C9orf85: variants seen among roughly 807,000 people sequenced by gnomAD.
C9orf85 encodes chromosome 9 open reading frame 85.
In C9orf85, 16 loss-of-function variants were observed where a neutral mutation model predicts 14.9. The ratio of observed to expected loss-of-function variants is 1.08; its 90% confidence interval spans 0.73 to 1.63. The LOEUF is 1.63. C9orf85 is among the 40% of genes most tolerant of loss of function. The probability of loss-of-function intolerance (pLI) is 0.00; values close to 1 mark genes in which losing one functional copy is unlikely to be tolerated. For missense variants in C9orf85, 172 were observed against 186.1 expected (o/e 0.92, Z 0.44); for synonymous variants, 45 against 56.8 (o/e 0.79, Z 0.93).
At chr9:71,935,632 C>CA (rs34000576) in intron 1 of C9orf85, among the ~76,000 whole-genome samples, 17,713 of 126,116 alleles carry the variant, frequency 0.14, 1,155 homozygotes, top group Middle Eastern at 0.19. Context: ...CCCCCCGACC[C>CA]AAAAAAAAAA....
chr9:71,963,564 G>C (rs1252376088), intron 2 of C9orf85, among the ~76,000 whole-genome samples: 1 of 152,236 alleles, frequency 6.6e-6, no homozygotes, highest in African/African-American at 2.4e-5. Flanking sequence ...GGGAACCCGG[G>C]CTGCGCGAGG....
chr9:71,976,162 G>C (rs1209942351), downstream of C9orf85, among the ~76,000 whole-genome samples: 2 of 152,132 alleles, frequency 1.3e-5, no homozygotes, highest in Non-Finnish European at 2.9e-5. Flanking sequence ...TAGTCCAAAA[G>C]CTGTTTGTAT....
chr9:71,923,972 T>C (rs1589247328), intron 1 of C9orf85, among the ~76,000 whole-genome samples: 1 of 152,210 alleles, frequency 6.6e-6, no homozygotes, highest in East Asian at 1.9e-4. Flanking sequence ...GTCGTGGCTT[T>C]TGGGGACAGA....
At chr9:71,933,515 A>G (rs1828118493) in intron 1 of C9orf85, among the ~76,000 whole-genome samples, 1 of 152,182 alleles carries the variant, frequency 6.6e-6, no homozygotes, top group South Asian at 2.1e-4. Context: ...CTAAGTTGAG[A>G]ACTTTCACCT....
At chr9:71,936,398 G>T (rs1002905193) in intron 1 of C9orf85, among the ~76,000 whole-genome samples, 1 of 152,018 alleles carries the variant, frequency 6.6e-6, no homozygotes, top group African/African-American at 2.4e-5. Flanking sequence ...GAGATGTATT[G>T]GCAAAACATC....
intron 2 of C9orf85, among the ~76,000 whole-genome samples, chr9:71,965,234 C>G (rs940102859): frequency 6.6e-6 from 1 of 152,216 alleles, no homozygotes; most frequent in Non-Finnish European, 1.5e-5. Flanking sequence ...CCACTGCGCT[C>G]TCAGGCAATA....
intron 2 of C9orf85, among the ~76,000 whole-genome samples, chr9:71,952,433 C>A (rs984981542): frequency 6.6e-6 from 1 of 152,184 alleles, no homozygotes; most frequent in African/African-American, 2.4e-5. Context: ...GGCACGATGT[C>A]AGCTCACTGC....
chr9:71,936,621 A>C (rs538466220), intron 1 of C9orf85, among the ~76,000 whole-genome samples: 30 of 152,316 alleles, frequency 2.0e-4, no homozygotes, highest in African/African-American at 6.5e-4. Context: ...CGAGTGACTC[A>C]TAGTTAATAA....
At position 71,942,063 on chromosome 9, in the gene C9orf85, GAAAT is replaced by G. The variant is rs370800813; in HGVS notation, c.103-4941_103-4938del. ...GAATGCTTTTAGAGCTAAGTTGAGA[GAAAT>G]AGTGTTTATTGAAGATGGCCTTATT... On this transcript the variant is annotated intron_variant, in intron 1 of 3. Transcript: ENST00000334731. 9.6e-4 allele frequency: 146 copies of G among 152,324 alleles called. 1 individual carries two copies. The highest frequency in any genetic ancestry group is 3.4e-3 in the African/African-American group (142 of 41,572). The allele number at this position is 152,324 out of a possible 1,614,324, so 9.4% of individuals were successfully genotyped here.
intron 1 of C9orf85, among the ~76,000 whole-genome samples, chr9:71,929,497 G>C (rs866099756): frequency 1.3e-5 from 2 of 152,132 alleles, no homozygotes; most frequent in African/African-American, 2.4e-5. Context: ...CATTTAGTTA[G>C]ATCTTCATTG....
chr9:71,978,401 C>T (rs1042744362), downstream of C9orf85, among the ~76,000 whole-genome samples: 5 of 152,292 alleles, frequency 3.3e-5, no homozygotes, highest in Non-Finnish European at 5.9e-5. Context: ...TGAGCCACTG[C>T]GCCCGGTCAC....
chr9:71,967,918 A>C (rs551935063), intron 2 of C9orf85, among the ~76,000 whole-genome samples: 1 of 151,956 alleles, frequency 6.6e-6, no homozygotes, highest in African/African-American at 2.4e-5. Flanking sequence ...CCTTCAGTTC[A>C]TAGTTTACTG....
At chr9:71,919,287 G>C (rs1827732104) in intron 1 of C9orf85, among the ~76,000 whole-genome samples, 1 of 152,214 alleles carries the variant, frequency 6.6e-6, no homozygotes, top group Non-Finnish European at 1.5e-5. Context: ...AATCCCTGGT[G>C]TGAGGAATTT....
At chr9:71,978,325 G>T (rs1231823087), downstream of C9orf85, among the ~76,000 whole-genome samples, 1 of 152,110 alleles carries the variant, frequency 6.6e-6, no homozygotes, top group Non-Finnish European at 1.5e-5. Flanking sequence ...GGCCAGGCTG[G>T]TCTCAAACTC....
intron 2 of C9orf85, among the ~76,000 whole-genome samples, chr9:71,949,006 G>A (rs1381685074): frequency 6.6e-6 from 1 of 152,222 alleles, no homozygotes; most frequent in Admixed American, 6.5e-5. Context: ...TGAATGAATT[G>A]TGTTCTCTGC....
At chr9:71,970,237 G>A (rs1008452343) in intron 2 of C9orf85, among the ~76,000 whole-genome samples, 15 of 152,092 alleles carry the variant, frequency 9.9e-5, no homozygotes, top group Admixed American at 3.9e-4. Flanking sequence ...CGTGAGCCAC[G>A]GCACCCGGCC....
At chr9:71,941,174 G>T (rs1016720760) in intron 1 of C9orf85, among the ~76,000 whole-genome samples, 121 of 152,126 alleles carry the variant, frequency 8.0e-4, no homozygotes, top group African/African-American at 2.7e-3. Flanking sequence ...AGAAAGAAAA[G>T]AATTCAAGTT....
chr9:71,946,040 A>G (rs879210670), intron 1 of C9orf85, among the ~76,000 whole-genome samples: 1 of 152,230 alleles, frequency 6.6e-6, no homozygotes, highest in African/African-American at 2.4e-5. Flanking sequence ...ACACATTTTG[A>G]AAAGAAAATT....
intron 1 of C9orf85, among the ~76,000 whole-genome samples, chr9:71,929,686 G>A (rs540287662): frequency 1.1e-3 from 160 of 151,912 alleles, no homozygotes; most frequent in African/African-American, 3.5e-3. Context: ...GAACAAGCCA[G>A]CATGTTTGGC....
Sources: allele counts gnomAD v4.1 joint callset (sites outside exome capture counted in the v4.1 genomes callset), GRCh38; gene constraint gnomAD v4.1.1; transcripts MANE v1.5; gene names NCBI Gene and HGNC (gene_info 2026-07-23, HGNC 2026-07-21).